The following PDE6C variants were observed in gnomAD, a reference collection of about 807,000 sequenced individuals.
PDE6C encodes cone cGMP-specific 3',5'-cyclic phosphodiesterase subunit alpha'.
Under a neutral mutation model 113.1 loss-of-function variants are expected in PDE6C, and 75 were observed. That is an observed-to-expected ratio of 0.66 (90% confidence interval 0.55 to 0.80). PDE6C has a LOEUF of 0.80. PDE6C is among the 30% of genes least tolerant of loss of function. PDE6C has a pLI of 0.00. For synonymous variants in PDE6C, 375 were observed against 363.7 expected, an observed-to-expected ratio of 1.03 and a Z score of -0.35; for missense variants, 912 against 1,038.6, an observed-to-expected ratio of 0.88 and a Z score of 1.67.
In PDE6C at chr10:93,641,082, C is replaced by T. The variant is rs1046201999; in HGVS notation, c.1847+53C>T. ...ACGTATTGGTGGACATTGGAAAGTACTTAGGGTGAGAAAAACGCTTCTCCC... is the reference window on the plus strand; with the variant it reads ...ACGTATTGGTGGACATTGGAAAGTATTTAGGGTGAGAAAAACGCTTCTCCC... On this transcript the variant is annotated intron_variant, in intron 14 of 21. Transcript: ENST00000371447. 2.4e-5 allele frequency: 26 copies of T among 1,101,662 alleles called. No homozygotes were observed. In the African/African-American group the frequency reaches 3.8e-4, roughly 16 times the overall value. 68.2% of individuals were successfully genotyped at this position (1,101,662 alleles called of 1,614,324 possible). A position where few individuals can be genotyped will look rare whatever the true frequency, so the allele number is the denominator to read the frequency against.
At chr10:93,662,685 G>A in intron 20 of PDE6C, 42 bp downstream of exon 20, 1 of 964,098 alleles carries the variant, frequency 1.0e-6, no homozygotes, top group South Asian at 1.3e-5. Context: ...TAAACATTTG[G>A]ATGAGAAATT....
intron 18 of PDE6C, among the ~76,000 whole-genome samples, chr10:93,661,816 A>G (rs1186030029): frequency 6.6e-6 from 1 of 152,216 alleles, no homozygotes; most frequent in East Asian, 1.9e-4. Flanking sequence ...AGTGGTGGCA[A>G]TCGTAAATGG....
At chr10:93,618,539 A>G (rs867050004) in intron 1 of PDE6C, among the ~76,000 whole-genome samples, 5 of 152,134 alleles carry the variant, frequency 3.3e-5, no homozygotes, top group Admixed American at 1.3e-4. Flanking sequence ...CCACTTTGGG[A>G]AAGGTATAGA....
At chr10:93,641,160 G>T (rs2134612239) in intron 14 of PDE6C, 131 bp downstream of exon 14, 1 of 654,822 alleles carries the variant, frequency 1.5e-6, no homozygotes, top group Middle Eastern at 3.0e-4. Flanking sequence ...TCCAGGGCTG[G>T]ATTCTATTCC....
intron 18 of PDE6C, among the ~76,000 whole-genome samples, chr10:93,659,695 A>T (rs1285613564): frequency 6.6e-6 from 1 of 152,218 alleles, no homozygotes; most frequent in Non-Finnish European, 1.5e-5. Flanking sequence ...AGCACGGGAA[A>T]GATTTGTCCC....
At chr10:93,625,345 C>A (rs75998292) in intron 4 of PDE6C, among the ~76,000 whole-genome samples, 5,120 of 152,198 alleles carry the variant, frequency 0.034, 275 homozygotes, top group African/African-American at 0.12. Context: ...CACAACAATT[C>A]TTTAGTACAA....
intron 4 of PDE6C, among the ~76,000 whole-genome samples, chr10:93,623,724 G>T (rs1331420093): frequency 6.6e-6 from 1 of 152,168 alleles, no homozygotes; most frequent in East Asian, 1.9e-4. Flanking sequence ...ACTATCCTTT[G>T]TTCATTGCCT....
chr10:93,645,312 T>C (rs777672274), intron 14 of PDE6C, among the ~76,000 whole-genome samples: 12 of 152,216 alleles, frequency 7.9e-5, no homozygotes, highest in Non-Finnish European at 1.6e-4. Context: ...AGTTTTGTTC[T>C]CCATGAAATA....
At chr10:93,662,496 A>C (rs546698573) in intron 19 of PDE6C, 64 bp from the exon 20 acceptor site, 51 of 796,214 alleles carry the variant, frequency 6.4e-5, no homozygotes, top group South Asian at 6.1e-4. Flanking sequence ...TTATCAGGAC[A>C]AATCAGTCTG....
rs1358081674 is a variant in PDE6C at position 93,620,893 on chromosome 10, C to G, written c.636C>G (p.Val212=). 1 of 1,613,244 alleles carries G rather than the reference C, an allele frequency of 6.2e-7. No individual in the cohort carries two copies. Among genetic ancestry groups the G allele is most frequent in the Admixed American group, 1.7e-5 (1 of 60,018 alleles). Residue 212 remains valine (V), a splice_region_variant and synonymous_variant, in exon 3 of 22, where the codon GTC becomes GTG. Transcript: ENST00000371447. The part of the protein sequence containing the change: ...ASEFSKQDEE[V]FSKYLNFVSI... Reference sequence around the variant, plus strand: ...TTGTTATTCTCTGCCGTCTGTAGGTCTTTTCCAAATACCTCAACTTTGTGT... The same window carrying G: ...TTGTTATTCTCTGCCGTCTGTAGGTGTTTTCCAAATACCTCAACTTTGTGT...
chr10:93,638,441 C>G (rs1481792540), intron 11 of PDE6C, among the ~76,000 whole-genome samples: 1 of 152,164 alleles, frequency 6.6e-6, no homozygotes. Context: ...AGAAGACCAC[C>G]CTTTCTTCTC....
intron 13 of PDE6C, 109 bp downstream of exon 13, chr10:93,640,666 G>T: frequency 1.2e-6 from 1 of 859,222 alleles, no homozygotes. Flanking sequence ...AAAATTCAGG[G>T]CACAAACCCC....
At chr10:93,641,399 G>A (rs2134612592) in intron 14 of PDE6C, among the ~76,000 whole-genome samples, 1 of 152,258 alleles carries the variant, frequency 6.6e-6, no homozygotes. Context: ...TTGGGAGAGT[G>A]AGGCGGGCGG....
At chr10:93,648,747 C>G (rs2058595855) in intron 15 of PDE6C, among the ~76,000 whole-genome samples, 1 of 152,090 alleles carries the variant, frequency 6.6e-6, no homozygotes, top group South Asian at 2.1e-4. Flanking sequence ...CAAATTTGCA[C>G]AAGTATAAAT....
chr10:93,626,956 G>A, intron 7 of PDE6C, 85 bp downstream of exon 7: 1 of 1,229,970 alleles, frequency 8.1e-7, no homozygotes, highest in African/African-American at 1.5e-5. Context: ...GTGAAAGCAA[G>A]AATGCATCCA....
At chr10:93,643,418 G>A (rs1318790365) in intron 14 of PDE6C, among the ~76,000 whole-genome samples, 2 of 151,928 alleles carry the variant, frequency 1.3e-5, no homozygotes, top group Non-Finnish European at 2.9e-5. Flanking sequence ...TGGAGACAGG[G>A]TCTTACCCTG....
chr10:93,634,425 G>A (rs1449031688), intron 8 of PDE6C, among the ~76,000 whole-genome samples: 1 of 152,152 alleles, frequency 6.6e-6, no homozygotes, highest in African/African-American at 2.4e-5. Flanking sequence ...TGATTCTAAT[G>A]GTGGTTGAAA....
At chr10:93,639,997 C>A in intron 11 of PDE6C, 73 bp from the exon 12 acceptor site, 1 of 1,512,434 alleles carries the variant, frequency 6.6e-7, no homozygotes, top group Non-Finnish European at 9.2e-7. Flanking sequence ...GGTTTACACC[C>A]AATGTTGGCT....
intron 1 of PDE6C, among the ~76,000 whole-genome samples, chr10:93,619,573 C>A (rs55636131): frequency 6.6e-6 from 1 of 152,114 alleles, no homozygotes; most frequent in South Asian, 2.1e-4. Context: ...ATTACAGGGG[C>A]GTGCCACCAC....
Sources: gnomAD v4.1 joint callset for allele counts (sites outside exome capture counted in the v4.1 genomes callset) on GRCh38, gnomAD v4.1.1 for gene constraint, MANE v1.5 for transcripts, NCBI Gene and HGNC (gene_info 2026-07-23, HGNC 2026-07-21) for gene names.